PSIP1: variants seen among roughly 807,000 people sequenced by gnomAD.
PSIP1 encodes PC4 and SRSF1 interacting protein 1.
PSIP1 carries 19 observed loss-of-function variants against 74.7 expected under a neutral mutation model. The ratio of observed to expected loss-of-function variants is 0.25; its 90% CI spans 0.18 to 0.37. The LOEUF (loss-of-function observed/expected upper bound fraction) is 0.37. Ranked by LOEUF, PSIP1 falls within the 10% of genes least tolerant of loss-of-function variation. The probability of loss-of-function intolerance (pLI) is 1.00; values close to 1 mark genes in which losing one functional copy is unlikely to be tolerated. For synonymous variants in PSIP1, 222 were observed against 195.3 expected (o/e 1.14, Z -1.14); for missense variants, 601 against 614.3 (o/e 0.98, Z 0.23).
At chr9:15,503,745 A>AT (rs949285788) in intron 3 of PSIP1, among the ~76,000 whole-genome samples, 1 of 151,634 alleles carries the variant, frequency 6.6e-6, no homozygotes, top group Non-Finnish European at 1.5e-5. Flanking sequence ...AAAAATTAGT[A>AT]TTTTTTTGTT....
chr9:15,504,333 T>C (rs1169726900), intron 3 of PSIP1, among the ~76,000 whole-genome samples: 1 of 148,966 alleles, frequency 6.7e-6, no homozygotes, highest in Non-Finnish European at 1.5e-5. Flanking sequence ...TTTGTTTTGG[T>C]TTAAAGTGTA....
chr9:15,505,580 A>G (rs997112914), intron 3 of PSIP1: 2 of 152,256 alleles, frequency 1.3e-5, no homozygotes, highest in African/African-American at 4.8e-5. Context: ...TGGTAAGTCT[A>G]TACAGACAGT....
intron 5 of PSIP1, 92 bp from the exon 6 acceptor site, chr9:15,486,160 T>G: frequency 9.7e-7 from 1 of 1,027,874 alleles, no homozygotes; most frequent in Non-Finnish European, 1.5e-6. Flanking sequence ...CACGTTTAAC[T>G]GAAAGCATTG....
chr9:15,475,901 C>G (rs573496109), intron 8 of PSIP1, among the ~76,000 whole-genome samples: 7 of 152,046 alleles, frequency 4.6e-5, no homozygotes, highest in Non-Finnish European at 4.4e-5. Context: ...TTAATATAAG[C>G]AAAGACTAAT....
At chr9:15,507,963 C>A (rs1275557222) in intron 2 of PSIP1, among the ~76,000 whole-genome samples, 1 of 152,186 alleles carries the variant, frequency 6.6e-6, no homozygotes, top group Non-Finnish European at 1.5e-5. Flanking sequence ...CCGATAATTG[C>A]AAAAATCCTT....
intron 10 of PSIP1, chr9:15,472,014 TA>T: frequency 1.0e-6 from 1 of 973,934 alleles, no homozygotes; most frequent in Middle Eastern, 5.3e-4. Flanking sequence ...TTATCATTGC[TA>T]TTACTTTTCC....
At position 15,465,178 on chromosome 9, in the gene PSIP1, A is replaced by C. The variant is rs889837093; in HGVS notation, c.*342T>G. 14 of 249,774 alleles carry C rather than the reference A, an allele frequency of 5.6e-5. No individual in the cohort carries two copies. The highest frequency in any genetic ancestry group is 9.3e-5 in the Non-Finnish European group (12 of 129,618). 15.5% of individuals were successfully genotyped at this position (249,774 alleles called of 1,614,324 possible). On this transcript the variant is annotated 3_prime_UTR_variant, in exon 16 of 16. Coordinates refer to ENST00000380733, the MANE Select transcript of PSIP1 (RefSeq NM_033222.5). ...GTATTTGGGAAAAGAGGCAAGGTTTATACAAGTAGCAGTTTTAAAAATGTA... is the reference window on the plus strand; with the variant it reads ...GTATTTGGGAAAAGAGGCAAGGTTTCTACAAGTAGCAGTTTTAAAAATGTA...
At chr9:15,509,804 C>A (rs1464516763) in intron 2 of PSIP1, among the ~76,000 whole-genome samples, 2 of 152,162 alleles carry the variant, frequency 1.3e-5, no homozygotes, top group Non-Finnish European at 2.9e-5. Context: ...AATTTTTAAA[C>A]AAAAATTCAC....
At chr9:15,473,083 G>T (rs762642342) in intron 9 of PSIP1, among the ~76,000 whole-genome samples, 5 of 152,076 alleles carry the variant, frequency 3.3e-5, no homozygotes, top group African/African-American at 1.2e-4. Context: ...AAAATGTTTG[G>T]TTTCTAAAAG....
chr9:15,475,089 T>C (rs1317859716), intron 8 of PSIP1, among the ~76,000 whole-genome samples: 2 of 152,172 alleles, frequency 1.3e-5, no homozygotes, highest in Admixed American at 6.6e-5. Flanking sequence ...CATTAACCTC[T>C]TTCCAGACAA....
chr9:15,501,139 G>C (rs1336787265), intron 3 of PSIP1, among the ~76,000 whole-genome samples: 3 of 151,798 alleles, frequency 2.0e-5, no homozygotes, highest in Non-Finnish European at 2.9e-5. Flanking sequence ...TAAGTAACCT[G>C]CCCAAGGTTA....
At chr9:15,505,705 G>A (rs1017693357) in intron 3 of PSIP1, 1 of 152,158 alleles carries the variant, frequency 6.6e-6, no homozygotes, top group Non-Finnish European at 1.5e-5. Context: ...ACTTTAAGCA[G>A]GTGAACTTCT....
chr9:15,488,894 A>T (rs550166320), intron 4 of PSIP1, among the ~76,000 whole-genome samples: 3 of 152,046 alleles, frequency 2.0e-5, no homozygotes, highest in Middle Eastern at 3.4e-3. Context: ...GGTGGCGGGC[A>T]CCTGTAGTCC....
In PSIP1 at chr9:15,471,957, G is replaced by A. The variant is rs1246566619; in HGVS notation, c.977+675C>T. On this transcript the variant is annotated intron_variant, in intron 10 of 15. Transcript: ENST00000380733. ...AAGAACTCAGAAGTGACAGTCTAAA[G>A]GTAACTAGGAAAGCAAATGTAATAA... The A allele has an allele frequency of 4.1e-6, 4 of 974,484 alleles. No individual in the cohort carries two copies. In the African/African-American group the frequency reaches 7.0e-5, roughly 17 times the overall value. The allele number at this position is 974,484 out of a possible 1,614,324, so 60.4% of individuals were successfully genotyped here. A position where few individuals can be genotyped will look rare whatever the true frequency, so the allele number is the denominator to read the frequency against.
intron 3 of PSIP1, among the ~76,000 whole-genome samples, chr9:15,493,645 G>A (rs2036939082): frequency 1.3e-5 from 2 of 152,170 alleles, no homozygotes; most frequent in Non-Finnish European, 2.9e-5. Context: ...CCGCATGGCT[G>A]GGGAGGCCTC....
intron 3 of PSIP1, among the ~76,000 whole-genome samples, chr9:15,498,926 G>A (rs1427486877): frequency 1.3e-5 from 2 of 151,970 alleles, no homozygotes; most frequent in Non-Finnish European, 2.9e-5. Flanking sequence ...AATATTACCA[G>A]GTTTAGGGGT....
intron 8 of PSIP1, 129 bp downstream of exon 8, chr9:15,478,348 A>C (rs970600024): frequency 3.8e-6 from 3 of 788,372 alleles, no homozygotes; most frequent in African/African-American, 3.5e-5. Flanking sequence ...TTTTTCCTGT[A>C]ATTTTAAGAA....
chr9:15,488,393 T>G (rs1436252998), intron 4 of PSIP1, among the ~76,000 whole-genome samples: 2 of 152,142 alleles, frequency 1.3e-5, no homozygotes, highest in Non-Finnish European at 2.9e-5. Context: ...CTACCTCGCT[T>G]CTTTAGATTT....
chr9:15,466,999 G>T, intron 14 of PSIP1, 140 bp from the exon 15 acceptor site: 1 of 655,910 alleles, frequency 1.5e-6, no homozygotes, highest in Middle Eastern at 2.6e-4. Context: ...AAATTACATT[G>T]TAATACAGCC....
Sources: gnomAD v4.1 joint callset for allele counts (sites outside exome capture counted in the v4.1 genomes callset) on GRCh38, gnomAD v4.1.1 for gene constraint, MANE v1.5 for transcripts, NCBI Gene and HGNC (gene_info 2026-07-23, HGNC 2026-07-21) for gene names.